Variants in SLC14A2 observed in about 807,000 individuals in gnomAD.
SLC14A2 encodes urea transporter 2.
In SLC14A2, 91 loss-of-function variants were observed where a neutral mutation model predicts 104.6. The observed-to-expected ratio is 0.87, with a 90% confidence interval of 0.73 to 1.04. The LOEUF is 1.04. SLC14A2 is among the 50% of genes least tolerant of loss of function. The probability of loss-of-function intolerance (pLI) is 0.00; values close to 1 mark genes in which losing one functional copy is unlikely to be tolerated. For missense variants in SLC14A2, 1,189 were observed against 1,156.0 expected, an observed-to-expected ratio of 1.03 and a Z score of -0.41; for synonymous variants, 476 against 466.4, an observed-to-expected ratio of 1.02 and a Z score of -0.27.
upstream of SLC14A2, among the ~76,000 whole-genome samples, chr18:45,208,505 G>A (rs1324376441): frequency 6.6e-6 from 1 of 152,172 alleles, no homozygotes; most frequent in African/African-American, 2.4e-5. Flanking sequence ...GCAATATGTT[G>A]AGAAACACAC....
chr18:45,465,151 G>A (rs1393090246), intron 1 of SLC14A2, among the ~76,000 whole-genome samples: 2 of 151,892 alleles, frequency 1.3e-5, no homozygotes, highest in Non-Finnish European at 2.9e-5. Flanking sequence ...GACAGAGGAG[G>A]GTCAGAGAGA....
At chr18:45,680,456 A>G (rs1196894949) in intron 19 of SLC14A2, among the ~76,000 whole-genome samples, 1 of 152,248 alleles carries the variant, frequency 6.6e-6, no homozygotes, top group Non-Finnish European at 1.5e-5. Context: ...AGTACAGGCT[A>G]TTAACTCACT....
At chr18:45,627,266 C>T (rs2045274726) in intron 4 of SLC14A2, 119 bp downstream of exon 4, 1 of 819,370 alleles carries the variant, frequency 1.2e-6, no homozygotes, top group South Asian at 1.7e-5. Flanking sequence ...TGAGTATCAA[C>T]TTTAAGCAGG....
intron 1 of SLC14A2, among the ~76,000 whole-genome samples, chr18:45,318,362 C>T (rs2085151070): frequency 6.6e-6 from 1 of 152,136 alleles, no homozygotes; most frequent in African/African-American, 2.4e-5. Context: ...TGCTCCAGTC[C>T]CTGCTTTCCT....
At chr18:45,261,129 C>G (rs1283801745) in intron 1 of SLC14A2, among the ~76,000 whole-genome samples, 1 of 151,482 alleles carries the variant, frequency 6.6e-6, no homozygotes, top group African/African-American at 2.4e-5. Flanking sequence ...CGTCATTTAA[C>G]ATTAGGTATA....
At chr18:45,452,325 T>G (rs2086871233) in intron 1 of SLC14A2, among the ~76,000 whole-genome samples, 1 of 152,194 alleles carries the variant, frequency 6.6e-6, no homozygotes, top group South Asian at 2.1e-4. Flanking sequence ...CACCAGTGAA[T>G]TTTTTTAAAG....
intron 2 of SLC14A2, among the ~76,000 whole-genome samples, chr18:45,523,705 G>T (rs2043551169): frequency 6.6e-6 from 1 of 151,976 alleles, no homozygotes; most frequent in Non-Finnish European, 1.5e-5. Flanking sequence ...GATACATCCT[G>T]CCTGTAACCC....
the SLC14A2 span, among the ~76,000 whole-genome samples, chr18:45,202,386 G>T: frequency 6.6e-6 from 1 of 152,274 alleles, no homozygotes; most frequent in South Asian, 2.1e-4. Context: ...AGATTTCAGA[G>T]AAATCTAGGG....
chr18:45,357,204 C>T (rs1158603230), intron 1 of SLC14A2, among the ~76,000 whole-genome samples: 1 of 148,872 alleles, frequency 6.7e-6, no homozygotes, highest in East Asian at 2.0e-4. Context: ...CTCTTTCCCT[C>T]ATTCTTTCCT....
chr18:45,678,718 G>C (rs535330873), intron 18 of SLC14A2, among the ~76,000 whole-genome samples: 1 of 152,318 alleles, frequency 6.6e-6, no homozygotes, highest in African/African-American at 2.4e-5. Context: ...GCAAGGTGGT[G>C]GGACCCAAGA....
At chr18:45,680,964 T>C (rs2046302750) in intron 19 of SLC14A2, among the ~76,000 whole-genome samples, 1 of 152,168 alleles carries the variant, frequency 6.6e-6, no homozygotes, top group Non-Finnish European at 1.5e-5. Flanking sequence ...CTGTCTTTGT[T>C]GTTCCCCAAG....
intron 1 of SLC14A2, among the ~76,000 whole-genome samples, chr18:45,231,949 A>G (rs1245943096): frequency 6.6e-6 from 1 of 152,174 alleles, no homozygotes; most frequent in East Asian, 1.9e-4. Flanking sequence ...CTGCTCTGGG[A>G]AGAAGCAACT....
chr18:45,476,483 T>A (rs770044213), intron 1 of SLC14A2, among the ~76,000 whole-genome samples: 2 of 152,186 alleles, frequency 1.3e-5, no homozygotes, highest in Non-Finnish European at 1.5e-5. Context: ...TTGAGAAGTA[T>A]CTTTGTGGCA....
At chr18:45,413,360 A>G (rs1007878496) in intron 1 of SLC14A2, among the ~76,000 whole-genome samples, 3 of 152,154 alleles carry the variant, frequency 2.0e-5, no homozygotes, top group Non-Finnish European at 4.4e-5. Context: ...TGAGACAGTA[A>G]AATTGTAGAG....
At chr18:45,212,053 G>A (rs1599576223), upstream of SLC14A2, among the ~76,000 whole-genome samples, 1 of 151,782 alleles carries the variant, frequency 6.6e-6, no homozygotes, top group South Asian at 2.1e-4. Flanking sequence ...ATCATATATT[G>A]GAATTAATTC....
intron 2 of SLC14A2, among the ~76,000 whole-genome samples, chr18:45,515,879 G>A (rs866707610): frequency 3.3e-5 from 5 of 152,384 alleles, no homozygotes; most frequent in South Asian, 2.1e-4. Context: ...TGCTTTGCAT[G>A]CCTGCATGCC....
chr18:45,680,572 C>T (rs928412216), intron 19 of SLC14A2, among the ~76,000 whole-genome samples: 1 of 152,178 alleles, frequency 6.6e-6, no homozygotes, highest in Non-Finnish European at 1.5e-5. Context: ...AGGAGCTGTA[C>T]TCTTTTGTTT....
intron 1 of SLC14A2, among the ~76,000 whole-genome samples, chr18:45,399,047 G>T (rs1469344119): frequency 1.3e-5 from 2 of 152,186 alleles, no homozygotes; most frequent in Non-Finnish European, 2.9e-5. Flanking sequence ...CTTATTGGAT[G>T]CTAAGTTCCA....
Position 45,411,339 on chromosome 18 carries a change from A to T in SLC14A2, c.-124-71894A>T, listed in dbSNP as rs116494040. Among the ~76,000 whole-genome samples the T allele has an allele frequency of 2.2e-3, 341 of 152,348 alleles. 5 individuals carry two copies. Among genetic ancestry groups the T allele is most frequent in the African/African-American group, 7.7e-3 (320 of 41,574 alleles). On this transcript the variant is annotated intron_variant, in intron 1 of 20. Coordinates refer to the SLC14A2 transcript ENST00000586448. The stretch of plus-strand genomic sequence containing the variant: ...AATTAGTTCCTTTGCTTTTATTAAG[A>T]TAAATGGAATCTCATCAACTCAGTC...
Sources: allele counts gnomAD v4.1 joint callset (sites outside exome capture counted in the v4.1 genomes callset), GRCh38; gene constraint gnomAD v4.1.1; transcripts MANE v1.5; gene names NCBI Gene and HGNC (gene_info 2026-07-23, HGNC 2026-07-21).